FLII: variants seen among roughly 807,000 people sequenced by gnomAD.
FLII encodes protein flightless-1 homolog.
A neutral mutation model predicts 156.2 loss-of-function variants in FLII; 101 were observed. That is an observed-to-expected ratio of 0.65 (90% CI 0.55 to 0.76). The LOEUF (loss-of-function observed/expected upper bound fraction) is 0.76. FLII is among the 30% of genes least tolerant of loss of function. FLII has a pLI of 0.00. For synonymous variants in FLII, 767 were observed against 685.8 expected, an observed-to-expected ratio of 1.12 and a Z score of -1.85; for missense variants, 1,675 against 1,682.8, an observed-to-expected ratio of 1.00 and a Z score of 0.08.
intron 10 of FLII, 35 bp downstream of exon 10, chr17:18,252,437 C>A: frequency 6.3e-7 from 1 of 1,596,016 alleles, no homozygotes. Flanking sequence ...CCTTGCTTGT[C>A]TCTCTTGAGC....
Position 18,247,040 on chromosome 17 carries a change from T to C in FLII, c.2689A>G (p.Met897Val). 1 of 1,612,856 alleles carries C rather than the reference T, an allele frequency of 6.2e-7. No homozygotes were observed. The highest frequency in any genetic ancestry group is 1.3e-5 in the African/African-American group (1 of 74,724). The change falls in exon 22 of 30, where the codon ATG becomes GTG. Residue 897 changes from methionine (M) to valine (V), a missense_variant. By Grantham distance (21) the Met-to-Val change is conservative. Transcript: ENST00000327031. ...TCTAGGTCTTCGTTCCACTCCTCCA[T>C]CAGCTGCTCCGCCTGCAGGTGAGAG... ...PMSLAEAEQL[M>V]EEWNEDLDGM...
rs566978309 is a variant in FLII at position 18,253,503 on chromosome 17, C to T, written c.855+41G>A. Reference sequence around the variant, plus strand: ...GGGTGGGAGGTCAGGGCCAGGCTCACGGCCTTCCTCCCATCCCCCTACTGA... The same window carrying T: ...GGGTGGGAGGTCAGGGCCAGGCTCATGGCCTTCCTCCCATCCCCCTACTGA... On this transcript the variant is annotated intron_variant, in intron 8 of 29. Transcript: ENST00000327031. 521 of 1,613,220 alleles carry T rather than the reference C, an allele frequency of 3.2e-4. 5 individuals are homozygous for T. The South Asian group carries it at 5.3e-3, about 16-fold the overall frequency.
chr17:18,249,496 T>C, intron 14 of FLII, 88 bp from the exon 15 acceptor site: 8 of 951,594 alleles, frequency 8.4e-6, no homozygotes, highest in Admixed American at 1.9e-5. Flanking sequence ...CAGAGTTGCA[T>C]ACAGGTGAAT....
chr17:18,245,816 A>C lies in FLII; in HGVS notation c.3431T>G (p.Phe1144Cys), dbSNP rs2048023814. ...INEGEEPENF[F>C]WVGIGAQKPY... is the part of the protein sequence containing the mutation. ...CTTCTGTGCCCCAATGCCCACCCAG[A>C]AGAAGTTCTCAGGCTCCTCACCTTC... Residue 1144 changes from phenylalanine to cysteine, a missense_variant, in exon 27 of 30, where the codon TTC becomes TGC. This residue lies in a region of FLII where 1,332 missense variants were observed against 1,269.3 expected (regional missense o/e 1.05). Transcript: ENST00000327031. 1.2e-6 allele frequency: 2 copies of C among 1,613,704 alleles called. No homozygotes were observed. The highest frequency in any genetic ancestry group is 1.7e-6 in the Non-Finnish European group (2 of 1,179,958).
chr17:18,252,674 T>G (rs1219301164), intron 9 of FLII, 118 bp from the exon 10 acceptor site: 1 of 756,648 alleles, frequency 1.3e-6, no homozygotes, highest in Non-Finnish European at 2.3e-6. Flanking sequence ...GGCGGGGGTC[T>G]CCATTCTCTG....
Position 18,258,730 on chromosome 17 carries a change from C to G in FLII, c.-40G>C. On this transcript the variant is annotated 5_prime_UTR_variant, in exon 1 of 30. Transcript: ENST00000327031. The surrounding 1 kb of genome is among the most constrained non-coding windows in gnomAD (Gnocchi z 4.2). The stretch of plus-strand genomic sequence containing the variant: ...TGCCGGGCCGCGCCGGGCTAGGGAG[C>G]GCCGGGGCGAGGGCGCTGGGGGGAG... 7.3e-7 allele frequency: 1 copy of G among 1,368,414 alleles called. No individual in the cohort carries two copies. Among genetic ancestry groups the G allele is most frequent in the Middle Eastern group, 2.5e-4 (1 of 4,050 alleles). 84.8% of individuals were successfully genotyped at this position (1,368,414 alleles called of 1,614,324 possible).
Position 18,246,995 on chromosome 17 carries a change from G to A in FLII, c.2734C>T (p.Leu912=), listed in dbSNP as rs2048086394. 1 of 1,614,104 alleles carries A rather than the reference G, an allele frequency of 6.2e-7. No homozygotes were observed. Among genetic ancestry groups the A allele is most frequent in the Non-Finnish European group, 8.5e-7 (1 of 1,180,026 alleles). Reference sequence around the variant, plus strand: ...AGCCGCGCAAACTTCTTGCCCTCCAGCACGAAACCCTCCATGCCGTCTAGG... The same window carrying A: ...AGCCGCGCAAACTTCTTGCCCTCCAACACGAAACCCTCCATGCCGTCTAGG... The part of the protein sequence containing the change: ...EDLDGMEGFV[L]EGKKFARLPE... Residue 912 remains leucine (L), a synonymous_variant, in exon 22 of 30, where the codon CTG becomes TTG. Transcript: ENST00000327031.
In FLII at chr17:18,258,461, G is replaced by A. The variant is rs767163384; in HGVS notation, c.63+167C>T. On this transcript the variant is annotated intron_variant, in intron 1 of 29. Transcript: ENST00000327031. The surrounding 1 kb of genome is among the most constrained non-coding windows in gnomAD (Gnocchi z 4.2). ...TCTCCCCGTACAGGCACTGGGCGGA[G>A]GCCTCGGAGGTCCATTCCTGGCCAG... The A allele has an allele frequency of 3.0e-5, 45 of 1,510,180 alleles. 1 individual carries two copies. In the South Asian group the frequency reaches 3.1e-4, roughly 10 times the overall value. The allele number at this position is 1,510,180 out of a possible 1,614,324, so 93.5% of individuals were successfully genotyped here. A position where few individuals can be genotyped will look rare whatever the true frequency, so the allele number is the denominator to read the frequency against.
rs777202309 is a variant in FLII, at chr17:18,250,896, C to T, written c.1718G>A (p.Gly573Asp). ...IHAVNLRNYL[G>D]AECRTVREEM... ...CTCCCGGACAGTGCGGCACTCAGCA[C>T]CCAGGTAGTTGCGCAAGTTGACAGC... The change falls in exon 14 of 30, where the codon GGT becomes GAT. Residue 573 changes from glycine to aspartate, a missense_variant. By Grantham distance (94) the Gly-to-Asp change is moderately conservative. Coordinates refer to ENST00000327031, the MANE Select transcript of FLII (RefSeq NM_002018.4). 18 of 1,614,090 alleles carry T rather than the reference C, an allele frequency of 1.1e-5. No homozygotes were observed. The highest frequency in any genetic ancestry group is 1.5e-5 in the Non-Finnish European group (18 of 1,180,006).
chr17:18,251,162 C>T (rs1426220139), intron 13 of FLII, 103 bp downstream of exon 13: 5 of 1,443,354 alleles, frequency 3.5e-6, no homozygotes, highest in Non-Finnish European at 4.7e-6. Flanking sequence ...GCCTGCCCAC[C>T]TCCCACCTGG....
Position 18,245,106 on chromosome 17 carries a change from C to CCTCA in FLII, c.*28_*31dup, listed in dbSNP as rs2047980973. 6.3e-7 allele frequency: 1 copy of CCTCA among 1,590,278 alleles called. No homozygotes were observed. The highest frequency in any genetic ancestry group is 8.6e-7 in the Non-Finnish European group (1 of 1,165,718). On this transcript the variant is annotated 3_prime_UTR_variant, in exon 30 of 30. Coordinates refer to ENST00000327031, the MANE Select transcript of FLII (RefSeq NM_002018.4). ...ACAGTGGATGAGGCCCCTTCCTCTT[C>CCTCA]CTCACCAAGCCTGGGGCTGTGCCAG...
chr17:18,246,483 G>A (rs780091994), intron 23 of FLII, 21 bp from the exon 24 acceptor site: 2 of 1,613,356 alleles, frequency 1.2e-6, no homozygotes, highest in Non-Finnish European at 1.7e-6. Context: ...GGAAGTGTTA[G>A]GGGCAGCTCC....
rs2048491056 is a variant in FLII, at chr17:18,258,344, A to G, written c.63+284T>C. ...ATCCCCAGGCCACCATCCAGCCTAG[A>G]CCGAGAACACGGACGCGGGGTGGGG... On this transcript the variant is annotated intron_variant, in intron 1 of 29. Transcript: ENST00000327031. This position sits in a 1 kb window ranked among gnomAD's most constrained non-coding sequence, Gnocchi z 4.2. The G allele has an allele frequency of 2.7e-6, 2 of 743,022 alleles. No individual in the cohort carries two copies. Among genetic ancestry groups the G allele is most frequent in the Non-Finnish European group, 4.2e-6 (2 of 472,448 alleles). The allele number at this position is 743,022 out of a possible 1,614,324, so 46.0% of individuals were successfully genotyped here. A position where few individuals can be genotyped will look rare whatever the true frequency, so the allele number is the denominator to read the frequency against.
chr17:18,256,700 C>A (rs1057142501), intron 2 of FLII, 103 bp from the exon 3 acceptor site: 1 of 1,032,672 alleles, frequency 9.7e-7, no homozygotes, highest in Non-Finnish European at 1.5e-6. Flanking sequence ...CTCAGCCACA[C>A]TGGCCCAACT....
At chr17:18,248,945 C>T in intron 16 of FLII, 62 bp from the exon 17 acceptor site, 1 of 1,482,286 alleles carries the variant, frequency 6.7e-7, no homozygotes, top group East Asian at 2.3e-5. Flanking sequence ...ACCCCATGCT[C>T]CTGACCCCAC....
At position 18,252,482 on chromosome 17, in the gene FLII, G is replaced by A. The variant is rs774800032; in HGVS notation, c.1088C>T (p.Thr363Met). 2.0e-4 allele frequency: 328 copies of A among 1,613,496 alleles called. No individual in the cohort carries two copies. The highest frequency in any genetic ancestry group is 2.6e-4 in the Non-Finnish European group (307 of 1,179,926). ...VTLPEAIHFL[T>M]EIEVLDVREN... is the part of the protein sequence containing the mutation. ...CCCAGCATGCCTGACCTCGATCTCC[G>A]TCAGGAAATGGATGGCTTCTGGGAG... Residue 363 changes from threonine to methionine, a missense_variant, in exon 10 of 30, where the codon ACG (threonine) becomes ATG (methionine). Physicochemically the swap from Thr to Met is moderately conservative, Grantham distance 81 (BLOSUM62 -1). Coordinates refer to ENST00000327031, the MANE Select transcript of FLII (RefSeq NM_002018.4).
At position 18,250,986 on chromosome 17, in the gene FLII, C is replaced by T; in HGVS notation, c.1628G>A (p.Trp543Ter). Residue 543 changes from tryptophan (W) to a stop codon, truncating the protein, a stop_gained, in exon 14 of 30, where the codon TGG (tryptophan) becomes TAG (stop). Transcript: ENST00000327031. LOFTEE classifies it high-confidence loss of function. ...CCCGCCAATCCAGTAGTAGATCTCC[C>T]AGTTGAGGGAGCCGCTGTCATCCAG... ...TFLDDSGSLN[W>*]EIYYWIGGEA... 6.2e-7 allele frequency: 1 copy of T among 1,613,666 alleles called. No individual in the cohort carries two copies. Among genetic ancestry groups the T allele is most frequent in the Non-Finnish European group, 8.5e-7 (1 of 1,179,820 alleles).
chr17:18,247,130 ACCCC>A, intron 21 of FLII, 35 bp downstream of exon 21: 2 of 956,706 alleles, frequency 2.1e-6, no homozygotes, highest in African/African-American at 2.8e-5. Context: ...CCTGCCCCCC[ACCCC>A]CCCCCCCGCG....
At chr17:18,257,199 C>T (rs992962721) in intron 1 of FLII, 180 bp from the exon 2 acceptor site, 6 of 550,500 alleles carry the variant, frequency 1.1e-5, no homozygotes, top group Admixed American at 6.9e-5. Context: ...AATTTTAAGC[C>T]CCCCCGTGAC....
Sources: gnomAD v4.1 joint callset for allele counts on GRCh38, gnomAD v4.1.1 for gene constraint, gnomAD v4.1.1 regional missense constraint, Gnocchi (gnomAD v3.1) non-coding constraint, MANE v1.5 for transcripts, NCBI Gene and HGNC (gene_info 2026-07-23, HGNC 2026-07-21) for gene names.